Variants in HMCN1 observed in about 807,000 individuals in gnomAD.
HMCN1 encodes the protein hemicentin 1, also known as hemicentin-1.
HMCN1 carries 321 observed loss-of-function variants against 625.9 expected under a neutral mutation model. The observed-to-expected ratio is 0.51, with a 90% confidence interval of 0.47 to 0.56. The LOEUF (loss-of-function observed/expected upper bound fraction) is 0.56. HMCN1 is among the 20% of genes least tolerant of loss of function. The pLI is 0.00. For synonymous variants in HMCN1, 2,425 were observed against 2,417.6 expected, an observed-to-expected ratio of 1.00 and a Z score of -0.09; for missense variants, 6,588 against 6,887.3, an observed-to-expected ratio of 0.96 and a Z score of 1.54.
Position 186,138,443 on chromosome 1 carries a change from T to C in HMCN1, c.13924+471T>C, listed in dbSNP as rs113740192. ...TTTATATTGTTAATATTGTGTATTG[T>C]TATTGATTTTGTGTTTTAGCACTCT... On this transcript the variant is annotated intron_variant, in intron 89 of 106. Coordinates refer to ENST00000271588, the MANE Select transcript of HMCN1 (RefSeq NM_031935.3). Among the ~76,000 whole-genome samples the C allele has an allele frequency of 3.8e-3, 583 of 152,242 alleles. 11 individuals are homozygous for C. The highest frequency in any genetic ancestry group is 0.014 in the African/African-American group (564 of 41,566).
chr1:186,042,845 G>A (rs1656296033), intron 40 of HMCN1, among the ~76,000 whole-genome samples: 1 of 152,076 alleles, frequency 6.6e-6, no homozygotes, highest in South Asian at 2.1e-4. Context: ...CCTAATGAAT[G>A]TTAATTCCCA....
At chr1:185,885,398 T>C (rs1451995447) in intron 4 of HMCN1, among the ~76,000 whole-genome samples, 1 of 152,014 alleles carries the variant, frequency 6.6e-6, no homozygotes, top group Non-Finnish European at 1.5e-5. Flanking sequence ...AGTGTTATAG[T>C]TGAAGCAGAG....
intron 11 of HMCN1, among the ~76,000 whole-genome samples, chr1:185,935,059 T>A (rs891586479): frequency 4.3e-4 from 65 of 152,096 alleles, no homozygotes; most frequent in Non-Finnish European, 7.4e-4. Flanking sequence ...TCGATCCAAG[T>A]TCTAGCAACT....
chr1:186,070,751 T>G lies in HMCN1; in HGVS notation c.8133T>G (p.Asp2711Glu). 6.2e-7 allele frequency: 1 copy of G among 1,613,846 alleles called. No homozygotes were observed. Among genetic ancestry groups the G allele is most frequent in the African/African-American group, 1.3e-5 (1 of 75,050 alleles). The change falls in exon 52 of 107, where the codon GAT becomes GAG. Residue 2711 changes from aspartate to glutamate, a missense_variant. By Grantham distance (45) the Asp-to-Glu change is conservative. Coordinates refer to ENST00000271588, the MANE Select transcript of HMCN1 (RefSeq NM_031935.3). ...IPSASLSWYK[D>E]GQPLKSDDHV... Reference sequence around the variant, plus strand: ...CTGCCTCCCTCAGCTGGTACAAGGATGGACAGGCCAGTCACAACTTTTTTC... The same window carrying G: ...CTGCCTCCCTCAGCTGGTACAAGGAGGGACAGGCCAGTCACAACTTTTTTC...
At chr1:186,174,203 G>C (rs113568572) in intron 102 of HMCN1, among the ~76,000 whole-genome samples, 12 of 152,304 alleles carry the variant, frequency 7.9e-5, no homozygotes, top group African/African-American at 2.9e-4. Flanking sequence ...CTCTCAATCT[G>C]CCTAAACTCT....
At chr1:186,013,660 G>A (rs1470816688) in intron 30 of HMCN1, among the ~76,000 whole-genome samples, 2 of 151,988 alleles carry the variant, frequency 1.3e-5, no homozygotes, top group African/African-American at 4.8e-5. Flanking sequence ...CATGTAGTAA[G>A]GCCGAAAGTA....
rs969065829 is a variant in HMCN1, at chr1:185,845,032, T to A, written c.269-994T>A. On this transcript the variant is annotated intron_variant, in intron 1 of 106. Transcript: ENST00000271588. ...CCCCACCTTTTCCTGTTGGAAGAAG[T>A]GATTTTGTGTAGTACATCTGGGCGG... Among the ~76,000 whole-genome samples the A allele has an allele frequency of 3.9e-5, 6 of 152,252 alleles. No individual in the cohort carries two copies. In the South Asian group the frequency reaches 1.2e-3, roughly 32 times the overall value.
intron 2 of HMCN1, among the ~76,000 whole-genome samples, chr1:185,851,919 C>T (rs1435552825): frequency 6.6e-6 from 1 of 151,842 alleles, no homozygotes; most frequent in African/African-American, 2.4e-5. Context: ...AAATCAAAAG[C>T]TTTACATATA....
In HMCN1 at chr1:186,145,467, G is replaced by C. The variant is rs755171821; in HGVS notation, c.14331G>C (p.Gln4777His). Reference protein sequence around the residue: ...GTCSRTCNGGQMRRYRTCDNP... With the variant: ...GTCSRTCNGGHMRRYRTCDNP... ...GCAGCCGGACGTGTAACGGAGGGCA[G>C]ATGCGGCGGTACCGCACATGTGATA... is the stretch of plus-strand genomic sequence containing the variant. Residue 4777 changes from glutamine (Q) to histidine (H), a missense_variant, in exon 92 of 107, where the codon CAG becomes CAC. Gln to His is a conservative substitution (Grantham distance 24). Coordinates refer to ENST00000271588, the MANE Select transcript of HMCN1 (RefSeq NM_031935.3). 1.2e-6 allele frequency: 2 copies of C among 1,610,550 alleles called. No homozygotes were observed. The highest frequency in any genetic ancestry group is 1.7e-6 in the Non-Finnish European group (2 of 1,177,656).
At chr1:185,836,312 TACTC>T (rs1378225792) in intron 1 of HMCN1, among the ~76,000 whole-genome samples, 8 of 152,104 alleles carry the variant, frequency 5.3e-5, no homozygotes, top group Admixed American at 4.6e-4. Context: ...AAATAGAAAA[TACTC>T]ATTCTATTTG....
intron 1 of HMCN1, among the ~76,000 whole-genome samples, chr1:185,757,152 T>C (rs1182741496): frequency 6.6e-6 from 1 of 152,104 alleles, no homozygotes; most frequent in Non-Finnish European, 1.5e-5. Flanking sequence ...TTTGTATACT[T>C]AGTGGAGACA....
rs765365025 is a variant in HMCN1, at chr1:186,023,168, A to G, written c.5749+15A>G. 1 of 1,609,238 alleles carries G rather than the reference A, an allele frequency of 6.2e-7. No individual in the cohort carries two copies. Among genetic ancestry groups the G allele is most frequent in the Non-Finnish European group, 8.5e-7 (1 of 1,175,988 alleles). On this transcript the variant is annotated intron_variant, in intron 36 of 106. Coordinates refer to ENST00000271588, the MANE Select transcript of HMCN1 (RefSeq NM_031935.3). ...GCATGTTCATGGTAATGTAATTTCT[A>G]CACCTTAACAAAAGAATATTTGTAT... is the stretch of plus-strand genomic sequence containing the variant.
intron 4 of HMCN1, among the ~76,000 whole-genome samples, chr1:185,869,989 CTT>C (rs939484097): frequency 6.1e-5 from 9 of 148,202 alleles, no homozygotes; most frequent in Non-Finnish European, 8.9e-5. Flanking sequence ...TAAACTCACT[CTT>C]GAGTTAAAGT....
At chr1:186,091,958 A>T (rs1182292055) in intron 64 of HMCN1, among the ~76,000 whole-genome samples, 1 of 151,968 alleles carries the variant, frequency 6.6e-6, no homozygotes, top group Non-Finnish European at 1.5e-5. Context: ...TTTTGAGTAA[A>T]TAACAAGTGT....
intron 11 of HMCN1, among the ~76,000 whole-genome samples, chr1:185,949,578 G>A (rs1345365547): frequency 1.3e-5 from 2 of 151,872 alleles, no homozygotes; most frequent in African/African-American, 4.9e-5. Flanking sequence ...TGAATACTAA[G>A]AGCCTGAAAA....
chr1:185,800,637 T>C (rs1194840867), intron 1 of HMCN1, among the ~76,000 whole-genome samples: 1 of 152,176 alleles, frequency 6.6e-6, no homozygotes, highest in Non-Finnish European at 1.5e-5. Flanking sequence ...ACAACTTCAA[T>C]TTCATGTTTA....
chr1:185,888,549 C>A (rs1369919696), intron 4 of HMCN1, among the ~76,000 whole-genome samples: 1 of 144,644 alleles, frequency 6.9e-6, no homozygotes, highest in Non-Finnish European at 1.5e-5. Context: ...TTCCCAGCAC[C>A]ATTTATTAAA....
At chr1:186,067,763 T>A in intron 49 of HMCN1, 71 bp from the exon 50 acceptor site, 1 of 1,034,176 alleles carries the variant, frequency 9.7e-7, no homozygotes, top group East Asian at 2.4e-5. Flanking sequence ...ATACATATAA[T>A]GGAAATTTAG....
At chr1:186,044,570 T>C (rs925197368) in intron 40 of HMCN1, among the ~76,000 whole-genome samples, 1 of 152,162 alleles carries the variant, frequency 6.6e-6, no homozygotes, top group African/African-American at 2.4e-5. Context: ...AAACAATGGC[T>C]GATAGACTAT....
Sources: allele counts gnomAD v4.1 joint callset (sites outside exome capture counted in the v4.1 genomes callset), GRCh38; gene constraint gnomAD v4.1.1; transcripts MANE v1.5; gene names NCBI Gene and HGNC (gene_info 2026-07-23, HGNC 2026-07-21).